The following NUDC variants were observed in gnomAD, a reference collection of about 807,000 sequenced individuals.
The protein encoded by NUDC is nuclear migration protein nudC.
A neutral mutation model predicts 45.0 loss-of-function variants in NUDC; 14 were observed. The ratio of observed to expected loss-of-function variants is 0.31; its 90% CI spans 0.21 to 0.49. NUDC has a LOEUF of 0.49. Ranked by LOEUF, NUDC falls within the 20% of genes least tolerant of loss-of-function variation. NUDC has a pLI of 0.99. For synonymous variants in NUDC, 153 were observed against 156.7 expected (o/e 0.98, Z 0.17); for missense variants, 323 against 426.2 (o/e 0.76, Z 2.13).
In NUDC at chr1:26,946,708, C is replaced by T. The variant is rs970091180; in HGVS notation, c.*527C>T. On this transcript the variant is annotated 3_prime_UTR_variant, in exon 9 of 9. Coordinates refer to ENST00000321265, the MANE Select transcript of NUDC (RefSeq NM_006600.4). ...CTCTACTAAAAATACAAAAATTAGCCGGGTGTGGTGGTGCACACCTGTAAT... is the reference window on the plus strand; with the variant it reads ...CTCTACTAAAAATACAAAAATTAGCTGGGTGTGGTGGTGCACACCTGTAAT... The T allele has an allele frequency of 7.7e-5, 14 of 182,438 alleles. No homozygotes were observed. The East Asian group carries it at 1.2e-3, about 16-fold the overall frequency. The allele number at this position is 182,438 out of a possible 1,614,324, so 11.3% of individuals were successfully genotyped here.
chr1:26,905,011 A>AT (rs1481289855), intron 2 of NUDC, among the ~76,000 whole-genome samples: 1 of 150,006 alleles, frequency 6.7e-6, no homozygotes, highest in Non-Finnish European at 1.5e-5. Context: ...TAATTTTTGT[A>AT]TTTTTAGTAG....
At chr1:26,902,785 A>T (rs1236975835) in intron 2 of NUDC, among the ~76,000 whole-genome samples, 1 of 152,110 alleles carries the variant, frequency 6.6e-6, no homozygotes, top group Non-Finnish European at 1.5e-5. Flanking sequence ...GCAGTGGCTA[A>T]TGCCTGTAAT....
intron 2 of NUDC, among the ~76,000 whole-genome samples, chr1:26,909,729 A>G (rs962333751): frequency 7.9e-5 from 12 of 152,036 alleles, no homozygotes; most frequent in African/African-American, 2.9e-4. Flanking sequence ...TGTGTCTACA[A>G]GGTTACACGG....
chr1:26,914,312 A>G (rs1337894020), intron 3 of NUDC, among the ~76,000 whole-genome samples: 1 of 152,160 alleles, frequency 6.6e-6, no homozygotes, highest in Admixed American at 6.5e-5. Flanking sequence ...AGGTGTCCCC[A>G]TTGGTGCCCG....
At chr1:26,935,668 G>A (rs2082223585) in intron 2 of NUDC, among the ~76,000 whole-genome samples, 1 of 152,006 alleles carries the variant, frequency 6.6e-6, no homozygotes, top group Non-Finnish European at 1.5e-5. Flanking sequence ...TGAGATTTGG[G>A]TGGGGACACA....
chr1:26,924,849 C>A (rs2082118370), intron 2 of NUDC, among the ~76,000 whole-genome samples: 1 of 151,562 alleles, frequency 6.6e-6, no homozygotes, highest in African/African-American at 2.4e-5. Context: ...CTGTGCCTGG[C>A]CAGGAGGTTT....
intron 2 of NUDC, among the ~76,000 whole-genome samples, chr1:26,935,190 C>T (rs1477421842): frequency 6.6e-6 from 1 of 151,142 alleles, no homozygotes; most frequent in Admixed American, 6.6e-5. Flanking sequence ...CTGTGTTGGC[C>T]AACCTGGTCT....
At chr1:26,925,234 C>T (rs1396222431) in intron 2 of NUDC, among the ~76,000 whole-genome samples, 1 of 150,548 alleles carries the variant, frequency 6.6e-6, no homozygotes, top group African/African-American at 2.4e-5. Context: ...ATATTAGAAA[C>T]TGATGCTTAG....
intron 2 of NUDC, among the ~76,000 whole-genome samples, chr1:26,926,073 A>G (rs2082129720): frequency 6.6e-6 from 1 of 151,090 alleles, no homozygotes; most frequent in Non-Finnish European, 1.5e-5. Flanking sequence ...CTGGAGTGCA[A>G]TGGTGCGATC....
At chr1:26,913,554 A>G (rs766056566) in intron 3 of NUDC, 5 of 1,614,050 alleles carry the variant, frequency 3.1e-6, no homozygotes, top group Non-Finnish European at 4.2e-6. Flanking sequence ...CACTGCCTCC[A>G]CTGCTGCTGG....
chr1:26,915,474 C>A (rs2124077783), intron 3 of NUDC, among the ~76,000 whole-genome samples: 1 of 152,264 alleles, frequency 6.6e-6, no homozygotes, highest in East Asian at 1.9e-4. Flanking sequence ...GGTGGAGAGG[C>A]CCTTGGTTGT....
rs575474236 is a variant in NUDC at position 26,905,522 on chromosome 1, G to A, written c.-16+3156G>A. 2.0e-5 allele frequency among the ~76,000 whole-genome samples: 3 copies of A among 152,244 alleles called. No individual in the cohort carries two copies. In the East Asian group the frequency reaches 5.8e-4, roughly 29 times the overall value. ...TCACAGGACAAGGGACATCTGGCTAGGGGCAGTAAATTTCTAGGTGAGTGA... is the reference window on the plus strand; with the variant it reads ...TCACAGGACAAGGGACATCTGGCTAAGGGCAGTAAATTTCTAGGTGAGTGA... On this transcript the variant is annotated intron_variant, in intron 2 of 6. Coordinates refer to the NUDC transcript ENST00000435827.
At chr1:26,920,044 C>T (rs772787071), upstream of NUDC, among the ~76,000 whole-genome samples, 85 of 151,888 alleles carry the variant, frequency 5.6e-4, 1 homozygote, top group African/African-American at 1.1e-3. Flanking sequence ...GTGGGGAACA[C>T]GCAATTCCAA....
chr1:26,917,332 C>T (rs559404326), upstream of NUDC, among the ~76,000 whole-genome samples: 5 of 151,912 alleles, frequency 3.3e-5, no homozygotes, highest in Admixed American at 6.6e-5. Flanking sequence ...GAGGCCGAGG[C>T]GGATGGATCA....
At chr1:26,941,875 C>T in intron 4 of NUDC, 57 bp downstream of exon 4, 1 of 1,514,624 alleles carries the variant, frequency 6.6e-7, no homozygotes, top group Non-Finnish European at 9.1e-7. Flanking sequence ...TACAGGAAAT[C>T]TCCTGCCTAC....
chr1:26,905,778 T>C (rs2082000490), intron 2 of NUDC, among the ~76,000 whole-genome samples: 1 of 152,112 alleles, frequency 6.6e-6, no homozygotes, highest in South Asian at 2.1e-4. Flanking sequence ...TTCTCCAAGA[T>C]TTTCAACCCA....
At chr1:26,913,029 T>G (rs2082037564) in intron 3 of NUDC, among the ~76,000 whole-genome samples, 1 of 152,212 alleles carries the variant, frequency 6.6e-6, no homozygotes, top group African/African-American at 2.4e-5. Flanking sequence ...ACGCCTGTAA[T>G]CCCAGCACTT....
chr1:26,910,078 T>C (rs1557665654), intron 2 of NUDC, among the ~76,000 whole-genome samples: 1 of 152,142 alleles, frequency 6.6e-6, no homozygotes. Context: ...TTCCCTTTAC[T>C]ATGACGCAGG....
At position 26,929,417 on chromosome 1, in the gene NUDC, A is replaced by C. The variant is rs368508089; in HGVS notation, c.159+5251A>C. ...GCAAGACCCCTTCTGAAAAAACAAA[A>C]AAAAAAAACAAATTAAAAAAATATA... is the stretch of plus-strand genomic sequence containing the variant. On this transcript the variant is annotated intron_variant, in intron 2 of 8. Coordinates refer to ENST00000321265, the MANE Select transcript of NUDC (RefSeq NM_006600.4). Among the ~76,000 whole-genome samples the C allele has an allele frequency of 2.0e-3, 304 of 152,100 alleles. 1 individual carries two copies. Among genetic ancestry groups the C allele is most frequent in the East Asian group, 0.01 (53 of 5,180 alleles).
Sources: allele counts gnomAD v4.1 joint callset (sites outside exome capture counted in the v4.1 genomes callset), GRCh38; gene constraint gnomAD v4.1.1; transcripts MANE v1.5; gene names NCBI Gene and HGNC (gene_info 2026-07-23, HGNC 2026-07-21).